DIAPH3: variants seen among roughly 807,000 people sequenced by gnomAD.
The protein encoded by DIAPH3 is diaphanous related formin 3.
DIAPH3 carries 117 observed loss-of-function variants against 144.3 expected under a neutral mutation model. The observed-to-expected ratio is 0.81, with a 90% CI of 0.70 to 0.95. The LOEUF (loss-of-function observed/expected upper bound fraction) is 0.95. Among genes scored for constraint, DIAPH3 ranks in the 40% least tolerant of loss-of-function variants. The pLI, the probability that DIAPH3 is intolerant of heterozygous loss-of-function variation, is 0.00. For missense variants in DIAPH3, 1,421 were observed against 1,412.7 expected, an observed-to-expected ratio of 1.01 and a Z score of -0.09; for synonymous variants, 519 against 488.9, an observed-to-expected ratio of 1.06 and a Z score of -0.81.
chr13:59,893,604 G>A (rs2045931463), intron 20 of DIAPH3, among the ~76,000 whole-genome samples: 1 of 152,066 alleles, frequency 6.6e-6, no homozygotes, highest in Non-Finnish European at 1.5e-5. Context: ...GACATAACCA[G>A]TAGACATTAA....
rs1283647503 is a variant in DIAPH3, at chr13:59,826,782, C to T, written c.3027+6325G>A. 4.6e-5 allele frequency among the ~76,000 whole-genome samples: 7 copies of T among 151,950 alleles called. No homozygotes were observed. The East Asian group carries it at 5.8e-4, about 13-fold the overall frequency. ...CATCACGCTACCTGACTTCAAACTA[C>T]ACTACAAGGCTACAGTAACCAAAAC... On this transcript the variant is annotated intron_variant, in intron 24 of 27. Coordinates refer to ENST00000400324, the MANE Select transcript of DIAPH3 (RefSeq NM_001042517.2).
At chr13:59,927,613 G>C (rs2047817284) in intron 17 of DIAPH3, among the ~76,000 whole-genome samples, 1 of 152,152 alleles carries the variant, frequency 6.6e-6, no homozygotes, top group African/African-American at 2.4e-5. Context: ...GGCTGGGAAA[G>C]ACTATTTCTC....
chr13:59,792,297 C>T (rs2039368092), intron 25 of DIAPH3, among the ~76,000 whole-genome samples: 1 of 152,106 alleles, frequency 6.6e-6, no homozygotes, highest in Non-Finnish European at 1.5e-5. Context: ...AAAAAGCACC[C>T]GCCTTTGAGA....
chr13:60,134,554 C>T (rs1001471765), intron 1 of DIAPH3, among the ~76,000 whole-genome samples: 8 of 152,198 alleles, frequency 5.3e-5, no homozygotes, highest in Admixed American at 5.2e-4. Context: ...CTCTAACAGC[C>T]TGTTGTATGT....
intron 3 of DIAPH3, 152 bp downstream of exon 3, chr13:60,111,858 T>C (rs1480424987): frequency 1.3e-6 from 1 of 760,314 alleles, no homozygotes; most frequent in African/African-American, 1.8e-5. Context: ...ATTTTTGTAA[T>C]CCAAAAACTC....
intron 3 of DIAPH3, 93 bp downstream of exon 3, chr13:60,111,917 A>G (rs1594696336): frequency 8.0e-7 from 1 of 1,242,628 alleles, no homozygotes. Context: ...TAGCCTATGG[A>G]GTATGACTAC....
intron 27 of DIAPH3, among the ~76,000 whole-genome samples, chr13:59,767,761 C>T (rs535623307): frequency 1.1e-4 from 16 of 152,276 alleles, no homozygotes; most frequent in African/African-American, 3.9e-4. Context: ...TTATCTCCTT[C>T]TCACTAAATT....
chr13:59,757,487 G>T (rs1218405846), intron 27 of DIAPH3, among the ~76,000 whole-genome samples: 1 of 131,062 alleles, frequency 7.6e-6, no homozygotes, highest in South Asian at 2.6e-4. Flanking sequence ...TGCAAGCTCC[G>T]CCTCCCAGGT....
At chr13:59,809,265 G>A (rs1414889015) in intron 25 of DIAPH3, among the ~76,000 whole-genome samples, 1 of 152,166 alleles carries the variant, frequency 6.6e-6, no homozygotes, top group Non-Finnish European at 1.5e-5. Context: ...ACTTTGGGAG[G>A]CTGAGGTGGG....
At chr13:59,894,433 C>T (rs532954796) in intron 20 of DIAPH3, among the ~76,000 whole-genome samples, 2 of 151,752 alleles carry the variant, frequency 1.3e-5, no homozygotes, top group Admixed American at 6.6e-5. Flanking sequence ...ATTAATGAGG[C>T]CAGCAGTCAA....
At chr13:60,024,690 T>C (rs2141049949) in intron 5 of DIAPH3, among the ~76,000 whole-genome samples, 1 of 152,342 alleles carries the variant, frequency 6.6e-6, no homozygotes, top group East Asian at 1.9e-4. Flanking sequence ...GCTGAAAATT[T>C]GGGATATCGT....
chr13:60,150,587 C>T (rs1304436736), intron 1 of DIAPH3, among the ~76,000 whole-genome samples: 2 of 152,084 alleles, frequency 1.3e-5, no homozygotes, highest in African/African-American at 4.8e-5. Flanking sequence ...GTGCCCAGCC[C>T]GTTGTATGAG....
At chr13:60,008,420 C>T (rs1020804163) in intron 9 of DIAPH3, 124 bp downstream of exon 9, 2 of 664,826 alleles carry the variant, frequency 3.0e-6, no homozygotes, top group Non-Finnish European at 2.6e-6. Flanking sequence ...ATAAATAATG[C>T]TATAAAAGAA....
intron 17 of DIAPH3, among the ~76,000 whole-genome samples, chr13:59,958,708 T>C (rs1417399536): frequency 2.6e-5 from 4 of 151,896 alleles, no homozygotes; most frequent in Non-Finnish European, 1.5e-5. Flanking sequence ...TGCACATTAA[T>C]TAAATATAAT....
At chr13:60,116,848 A>G (rs554819020) in intron 2 of DIAPH3, among the ~76,000 whole-genome samples, 3 of 152,208 alleles carry the variant, frequency 2.0e-5, no homozygotes, top group East Asian at 3.9e-4. Context: ...CATAAAAATT[A>G]ACAATATTTT....
chr13:59,719,277 T>C (rs901902119), intron 27 of DIAPH3, among the ~76,000 whole-genome samples: 4 of 152,192 alleles, frequency 2.6e-5, no homozygotes, highest in East Asian at 1.9e-4. Flanking sequence ...GTAGCACATA[T>C]AATGAAGAGA....
intron 1 of DIAPH3, among the ~76,000 whole-genome samples, chr13:60,160,405 C>A (rs753158540): frequency 2.8e-4 from 43 of 152,196 alleles, no homozygotes; most frequent in Non-Finnish European, 4.9e-4. Context: ...ACTTGGACCA[C>A]CAATTTACAG....
At chr13:60,157,962 C>T (rs1952108484) in intron 1 of DIAPH3, among the ~76,000 whole-genome samples, 2 of 152,210 alleles carry the variant, frequency 1.3e-5, no homozygotes, top group African/African-American at 2.4e-5. Context: ...ATTTTCTCCT[C>T]ATTTATCAGC....
At chr13:59,934,617 A>C (rs1239769652) in intron 17 of DIAPH3, among the ~76,000 whole-genome samples, 1 of 152,214 alleles carries the variant, frequency 6.6e-6, no homozygotes, top group Non-Finnish European at 1.5e-5. Context: ...AAAGAGTATC[A>C]AAATTTGAAA....
Sources: allele counts gnomAD v4.1 joint callset (sites outside exome capture counted in the v4.1 genomes callset), GRCh38; gene constraint gnomAD v4.1.1; transcripts MANE v1.5; gene names NCBI Gene and HGNC (gene_info 2026-07-23, HGNC 2026-07-21).